Variants in TSC22D3 observed in about 807,000 individuals in gnomAD.
TSC22D3 encodes the protein TSC22 domain family member 3.
A neutral mutation model predicts 11.1 loss-of-function variants in TSC22D3; 4 were observed. The ratio of observed to expected loss-of-function variants is 0.36; its 90% CI spans 0.18 to 0.83. The LOEUF (loss-of-function observed/expected upper bound fraction) is 0.83, where lower values mean the gene tolerates loss of function less well. Among genes scored for constraint, TSC22D3 ranks in the 40% least tolerant of loss-of-function variants. TSC22D3 has a pLI of 0.48. For missense variants in TSC22D3, 118 were observed against 159.4 expected (o/e 0.74, Z 1.40); for synonymous variants, 77 against 70.3 (o/e 1.10, Z -0.48).
intron 1 of TSC22D3, among the ~76,000 whole-genome samples, chrX:107,728,497 G>T (rs1264981689): frequency 8.9e-6 from 1 of 112,323 alleles, no homozygotes; most frequent in African/African-American, 3.2e-5. Context: ...AAAGGCGCTG[G>T]GTCAGTTGGG....
intron 1 of TSC22D3, among the ~76,000 whole-genome samples, chrX:107,749,105 C>T (rs1000521385): frequency 9.1e-6 from 1 of 109,418 alleles, no homozygotes; most frequent in Non-Finnish European, 1.9e-5. Flanking sequence ...GAGGCCGAAG[C>T]GGTTGTATCA....
At chrX:107,746,650 C>CATACATTTTCCATACA (rs1928674920) in intron 1 of TSC22D3, among the ~76,000 whole-genome samples, 1 of 111,617 alleles carries the variant, frequency 9.0e-6, no homozygotes, top group Admixed American at 9.5e-5. Flanking sequence ...TTTTCCATAC[C>CATACATTTTCCATACA]TTTTTTGCAT....
chrX:107,717,961 A>G (rs1481552838), intron 1 of TSC22D3, among the ~76,000 whole-genome samples: 1 of 112,083 alleles, frequency 8.9e-6, no homozygotes, highest in Non-Finnish European at 1.9e-5. Context: ...ACTTTTCTTT[A>G]AAACAGCGAA....
At chrX:107,769,898 A>T (rs12850825) in intron 1 of TSC22D3, among the ~76,000 whole-genome samples, 4,897 of 111,946 alleles carry the variant, frequency 0.044, 122 homozygotes, top group Middle Eastern at 0.18. Flanking sequence ...CCAAACCATG[A>T]ATGTTAAGTT....
At chrX:107,715,719 G>A (rs1926978311) in intron 2 of TSC22D3, 180 bp downstream of exon 2, 1 of 524,606 alleles carries the variant, frequency 1.9e-6, no homozygotes, top group Admixed American at 2.7e-5. Flanking sequence ...GGGAAGACTG[G>A]AAATGCCCTA....
chrX:107,726,654 C>T (rs1193792009), intron 1 of TSC22D3, among the ~76,000 whole-genome samples: 2 of 110,845 alleles, frequency 1.8e-5, no homozygotes, highest in African/African-American at 6.6e-5. Flanking sequence ...CTTTCATCTT[C>T]TTTTTTTTAA....
chrX:107,752,785 A>G (rs965353723), intron 1 of TSC22D3, among the ~76,000 whole-genome samples: 7 of 111,955 alleles, frequency 6.3e-5, no homozygotes, highest in African/African-American at 2.3e-4. Flanking sequence ...TGAGGTTGCC[A>G]AGGGAGCTGG....
intron 1 of TSC22D3, among the ~76,000 whole-genome samples, chrX:107,734,114 A>T (rs1429453069): frequency 1.8e-5 from 2 of 111,901 alleles, no homozygotes; most frequent in African/African-American, 6.5e-5. Flanking sequence ...TAAATTTCCC[A>T]GCACAAACAA....
chrX:107,757,072 G>A (rs1929211197), intron 1 of TSC22D3, among the ~76,000 whole-genome samples: 1 of 112,384 alleles, frequency 8.9e-6, no homozygotes, highest in African/African-American at 3.2e-5. Context: ...GGCAAGATGT[G>A]TGCTGATTTT....
intron 1 of TSC22D3, among the ~76,000 whole-genome samples, chrX:107,724,424 GA>G (rs1376020196): frequency 8.8e-6 from 1 of 113,350 alleles, no homozygotes; most frequent in Non-Finnish European, 1.9e-5. Flanking sequence ...CTTCTCGGAA[GA>G]AAGAGTAGCA....
chrX:107,719,708 G>A lies in TSC22D3; in HGVS notation c.321-3758C>T, dbSNP rs191942302. Among the ~76,000 whole-genome samples the A allele has an allele frequency of 2.1e-3, 240 of 111,737 alleles. 2 individuals carry two copies. Among genetic ancestry groups the A allele is most frequent in the African/African-American group, 7.6e-3 (233 of 30,682 alleles). ...TTGAATGAGTGAGTTGAGGAAGTTG[G>A]TAGGGGGTTTGGAGGTGCCAGAGAG... is the stretch of plus-strand genomic sequence containing the variant. On this transcript the variant is annotated intron_variant, in intron 1 of 2. Transcript: ENST00000372383.
rs1439997204 is a variant in TSC22D3 at position 107,774,311 on chromosome X, C to T, written c.320+789G>A. Among the ~76,000 whole-genome samples the T allele has an allele frequency of 8.1e-5, 9 of 111,159 alleles. No homozygotes were observed. In the Admixed American group the frequency reaches 8.6e-4, roughly 11 times the overall value. On this transcript the variant is annotated intron_variant, in intron 1 of 2. Transcript: ENST00000372383. Reference sequence around the variant, plus strand: ...GGACAGCAGCTGCCTTGGGTCTTCCCATTGTGTTTTTTCCCTCCCTTGTCC... The same window carrying T: ...GGACAGCAGCTGCCTTGGGTCTTCCTATTGTGTTTTTTCCCTCCCTTGTCC...
chrX:107,722,516 G>A (rs1434042605), intron 1 of TSC22D3, among the ~76,000 whole-genome samples: 4 of 112,300 alleles, frequency 3.6e-5, no homozygotes, highest in Non-Finnish European at 3.8e-5. Context: ...CACCATGCTG[G>A]GGGGTGGTTT....
chrX:107,723,822 G>C (rs1009308021), intron 1 of TSC22D3, among the ~76,000 whole-genome samples: 2 of 112,695 alleles, frequency 1.8e-5, no homozygotes, highest in African/African-American at 6.5e-5. Flanking sequence ...TTGGAAGACA[G>C]CAACCAGGAG....
chrX:107,766,290 C>G (rs1393891112), intron 1 of TSC22D3, among the ~76,000 whole-genome samples: 2 of 111,829 alleles, frequency 1.8e-5, no homozygotes, highest in Admixed American at 9.5e-5. Context: ...CTGAATAGGC[C>G]AGGCAGAGAG....
intron 1 of TSC22D3, chrX:107,716,668 C>T (rs113872361): frequency 5.8e-6 from 7 of 1,199,121 alleles, no homozygotes; most frequent in South Asian, 1.8e-5. Flanking sequence ...CGGGAGGCGC[C>T]GGAGCTGGGG....
chrX:107,731,535 C>T (rs1927880186), intron 1 of TSC22D3, among the ~76,000 whole-genome samples: 1 of 112,031 alleles, frequency 8.9e-6, no homozygotes, highest in African/African-American at 3.2e-5. Context: ...AAGTTTCCTA[C>T]AACAGTGTCT....
intron 1 of TSC22D3, among the ~76,000 whole-genome samples, chrX:107,766,454 C>CA (rs1291305769): frequency 2.6e-5 from 2 of 77,713 alleles, no homozygotes; most frequent in African/African-American, 1.1e-4. Flanking sequence ...GAGTTTCCGC[C>CA]CCCCCCCCAA....
chrX:107,746,385 C>A (rs1451397680), intron 1 of TSC22D3, among the ~76,000 whole-genome samples: 1 of 111,504 alleles, frequency 9.0e-6, no homozygotes, highest in Non-Finnish European at 1.9e-5. Flanking sequence ...TATACACTCT[C>A]ACTAGACAGA....
Sources: allele counts gnomAD v4.1 joint callset (sites outside exome capture counted in the v4.1 genomes callset), GRCh38; gene constraint gnomAD v4.1.1; transcripts MANE v1.5; gene names NCBI Gene and HGNC (gene_info 2026-07-23, HGNC 2026-07-21).